Variants in NCALD observed in about 807,000 individuals in gnomAD.
NCALD encodes neurocalcin delta, also known as neurocalcin-delta.
A neutral mutation model predicts 18.6 loss-of-function variants in NCALD; 10 were observed. That is an observed-to-expected ratio of 0.54 (90% CI 0.33 to 0.91). The LOEUF (loss-of-function observed/expected upper bound fraction) is 0.91. Among genes scored for constraint, NCALD ranks in the 40% least tolerant of loss-of-function variants. NCALD has a pLI of 0.03. For synonymous variants in NCALD, 88 were observed against 87.4 expected, an observed-to-expected ratio of 1.01 and a Z score of -0.04; for missense variants, 184 against 247.6, an observed-to-expected ratio of 0.74 and a Z score of 1.72.
intron 1 of NCALD, among the ~76,000 whole-genome samples, chr8:101,767,559 T>C (rs1382118647): frequency 6.6e-6 from 1 of 152,236 alleles, no homozygotes; most frequent in Non-Finnish European, 1.5e-5. Context: ...GTGTCAGCCC[T>C]AACCATGATG....
chr8:102,061,745 C>G (rs990941400), intron 1 of NCALD, among the ~76,000 whole-genome samples: 1 of 152,212 alleles, frequency 6.6e-6, no homozygotes, highest in Non-Finnish European at 1.5e-5. Context: ...CCAGCCGCCA[C>G]AGACCTCCAT....
intron 2 of NCALD, among the ~76,000 whole-genome samples, chr8:101,943,001 G>A (rs1819015414): frequency 1.3e-5 from 2 of 152,182 alleles, no homozygotes; most frequent in Admixed American, 6.5e-5. Context: ...CATGAGAAGG[G>A]GCATTTGAGC....
chr8:102,047,792 C>A (rs545989521), intron 1 of NCALD, among the ~76,000 whole-genome samples: 8 of 152,260 alleles, frequency 5.3e-5, no homozygotes, highest in African/African-American at 1.9e-4. Flanking sequence ...TCAGGAAAAT[C>A]TGTAATACAG....
intron 2 of NCALD, among the ~76,000 whole-genome samples, chr8:101,921,807 G>C (rs2131654313): frequency 6.6e-6 from 1 of 152,150 alleles, no homozygotes; most frequent in African/African-American, 2.4e-5. Flanking sequence ...AGATACTATA[G>C]AAGATGTTTG....
chr8:101,761,424 G>A (rs1750841721), intron 1 of NCALD, among the ~76,000 whole-genome samples: 1 of 152,160 alleles, frequency 6.6e-6, no homozygotes, highest in Non-Finnish European at 1.5e-5. Flanking sequence ...TTATGACTAT[G>A]TTGCCCTGTG....
intron 2 of NCALD, among the ~76,000 whole-genome samples, chr8:101,952,003 T>A (rs565006509): frequency 7.2e-5 from 11 of 152,334 alleles, no homozygotes; most frequent in African/African-American, 2.6e-4. Context: ...AAACACCTTA[T>A]TTCTCTGATT....
chr8:101,991,475 G>A (rs538641), intron 2 of NCALD, among the ~76,000 whole-genome samples: 4,352 of 152,144 alleles, frequency 0.029, 86 homozygotes, highest in Non-Finnish European at 0.045. Flanking sequence ...ATGAAATTTG[G>A]GGAGGAAGAA....
intron 1 of NCALD, among the ~76,000 whole-genome samples, chr8:102,076,345 G>T (rs7832614): frequency 2.0e-5 from 3 of 151,990 alleles, no homozygotes; most frequent in Non-Finnish European, 4.4e-5. Context: ...ACAGGCTTGC[G>T]GAGAAGAAAA....
In NCALD at chr8:101,828,430, T is replaced by C. The variant is rs189314869; in HGVS notation, c.-20+58711A>G. ...TTGCACTTACTGTTCTCTTGCTCGG[T>C]AAACCCTTAACCCCCGAATCTGCAG... On this transcript the variant is annotated intron_variant, in intron 4 of 6. Transcript: ENST00000311028. Among the ~76,000 whole-genome samples the C allele has an allele frequency of 5.9e-5, 9 of 152,304 alleles. No homozygotes were observed. The East Asian group carries it at 1.5e-3, about 26-fold the overall frequency.
intron 1 of NCALD, among the ~76,000 whole-genome samples, chr8:102,122,442 C>T (rs1563636507): frequency 6.6e-6 from 1 of 152,104 alleles, no homozygotes. Flanking sequence ...TGGAGTAAGA[C>T]GGTCCTGATT....
chr8:101,935,312 C>T (rs1489750279), intron 2 of NCALD, among the ~76,000 whole-genome samples: 1 of 151,940 alleles, frequency 6.6e-6, no homozygotes, highest in South Asian at 2.1e-4. Context: ...TAAGCACTGA[C>T]CTAAAGGATA....
At chr8:101,846,248 T>C (rs754716863) in intron 4 of NCALD, among the ~76,000 whole-genome samples, 4 of 152,220 alleles carry the variant, frequency 2.6e-5, no homozygotes, top group Non-Finnish European at 4.4e-5. Flanking sequence ...GGACTCTCCA[T>C]ACTTTTTTCC....
chr8:101,997,306 C>A (rs1232074477), intron 2 of NCALD, among the ~76,000 whole-genome samples: 1 of 151,972 alleles, frequency 6.6e-6, no homozygotes, highest in African/African-American at 2.4e-5. Flanking sequence ...GGCTAGGGAA[C>A]AAAGGAAACA....
chr8:102,100,958 A>C lies in NCALD; in HGVS notation c.-210+23279T>G, dbSNP rs551736027. Among the ~76,000 whole-genome samples, 4 of 152,326 alleles carry C rather than the reference A, an allele frequency of 2.6e-5. No individual in the cohort carries two copies. The East Asian group carries it at 7.7e-4, about 29-fold the overall frequency. ...GAGTTTGAGTTGGGGAAGATGAAGAAGTTCTGGAGATGGATGGTGGTGATG... is the reference window on the plus strand; with the variant it reads ...GAGTTTGAGTTGGGGAAGATGAAGACGTTCTGGAGATGGATGGTGGTGATG... On this transcript the variant is annotated intron_variant, in intron 1 of 6. Coordinates refer to the NCALD transcript ENST00000311028.
At chr8:101,897,738 C>T (rs957279946) in intron 3 of NCALD, among the ~76,000 whole-genome samples, 45 of 152,154 alleles carry the variant, frequency 3.0e-4, no homozygotes, top group Admixed American at 2.0e-4. Context: ...AAAGAAACCA[C>T]TAAACTATTT....
intron 1 of NCALD, among the ~76,000 whole-genome samples, chr8:102,113,431 C>T (rs1417506653): frequency 1.3e-5 from 2 of 152,178 alleles, no homozygotes; most frequent in Non-Finnish European, 2.9e-5. Flanking sequence ...TGATAAGAGG[C>T]CCTGGCCCAT....
At position 101,964,203 on chromosome 8, in the gene NCALD, T is replaced by A. The variant is rs554547819; in HGVS notation, c.-156-48345A>T. Among the ~76,000 whole-genome samples the A allele has an allele frequency of 1.3e-4, 20 of 152,262 alleles. No homozygotes were observed. In the South Asian group the frequency reaches 4.1e-3, roughly 32 times the overall value. ...CTATGAATAGAAGGACAGAACCCAA[T>A]GGCTTGCCTCTAGACACACCCCCCG... On this transcript the variant is annotated intron_variant, in intron 2 of 6. Transcript: ENST00000311028.
At chr8:101,954,395 C>G (rs942559085) in intron 2 of NCALD, among the ~76,000 whole-genome samples, 1 of 152,158 alleles carries the variant, frequency 6.6e-6, no homozygotes, top group Non-Finnish European at 1.5e-5. Context: ...CCTCATTTCC[C>G]CTGACCTCTC....
chr8:101,745,198 T>C (rs918153496), intron 1 of NCALD, among the ~76,000 whole-genome samples: 65 of 152,176 alleles, frequency 4.3e-4, no homozygotes, highest in African/African-American at 1.4e-3. Flanking sequence ...AATAACTCAA[T>C]TGCTTTTTCT....
Sources: allele counts gnomAD v4.1 joint callset (sites outside exome capture counted in the v4.1 genomes callset), GRCh38; gene constraint gnomAD v4.1.1; transcripts MANE v1.5; gene names NCBI Gene and HGNC (gene_info 2026-07-23, HGNC 2026-07-21).